The following IRGQ variants were observed in gnomAD, a reference collection of about 807,000 sequenced individuals.
The protein encoded by IRGQ is immunity related GTPase Q.
Under a neutral mutation model 10.5 loss-of-function variants are expected in IRGQ, and 5 were observed. The ratio of observed to expected loss-of-function variants is 0.48; its 90% confidence interval spans 0.25 to 1.00. IRGQ has a LOEUF of 1.00. Ranked by LOEUF, IRGQ falls within the 50% of genes least tolerant of loss-of-function variation. The pLI, the probability that IRGQ is intolerant of heterozygous loss-of-function variation, is 0.16. For synonymous variants in IRGQ, 418 were observed against 426.0 expected, an observed-to-expected ratio of 0.98 and a Z score of 0.23; for missense variants, 792 against 877.7, an observed-to-expected ratio of 0.90 and a Z score of 1.23.
chr19:43,592,586 C>G lies in IRGQ; in HGVS notation c.1312G>C (p.Gly438Arg), dbSNP rs750405377. 1 of 1,599,866 alleles carries G rather than the reference C, an allele frequency of 6.3e-7. No individual in the cohort carries two copies. Among genetic ancestry groups the G allele is most frequent in the Non-Finnish European group, 8.5e-7 (1 of 1,179,736 alleles). ...PPPVFPLRPG[G>R]LPGLCEWLRR... is the part of the protein sequence containing the mutation. ...AGCCATTCGCATAGCCCTGGGAGTCCGCCAGGCCGTAGGGGGAACACTGGC... is the reference window on the plus strand; with the variant it reads ...AGCCATTCGCATAGCCCTGGGAGTCGGCCAGGCCGTAGGGGGAACACTGGC... The change falls in exon 3 of 3, where the codon GGA (glycine) becomes CGA (arginine). Residue 438 changes from glycine to arginine, a missense_variant. Transcript: ENST00000422989.
In IRGQ at chr19:43,591,982, G is replaced by A. The variant is rs1485005546; in HGVS notation, c.*44C>T. ...TTCAAGCACCCAGGATTAAGCCCAGGCATCCCCTGTCAGAGTCTGGACTCC... is the reference window on the plus strand; with the variant it reads ...TTCAAGCACCCAGGATTAAGCCCAGACATCCCCTGTCAGAGTCTGGACTCC... On this transcript the variant is annotated 3_prime_UTR_variant, in exon 3 of 3. Transcript: ENST00000422989. 6.5e-7 allele frequency: 1 copy of A among 1,533,942 alleles called. No homozygotes were observed. Among genetic ancestry groups the A allele is most frequent in the Non-Finnish European group, 8.8e-7 (1 of 1,137,844 alleles).
At position 43,594,908 on chromosome 19, in the gene IRGQ, T is replaced by C; in HGVS notation, c.431A>G (p.Asp144Gly). ...GCAGTTCGCCGGTAGCACAAACAGATCCGCAGCTCCTAACCCCGCGCTGTT... is the reference window on the plus strand; with the variant it reads ...GCAGTTCGCCGGTAGCACAAACAGACCCGCAGCTCCTAACCCCGCGCTGTT... ...LLNSAGLGAADLFVLPANCGS... is the reference protein window; with the variant it reads ...LLNSAGLGAAGLFVLPANCGS... Residue 144 changes from aspartate to glycine, a missense_variant, in exon 2 of 3, where the codon GAT becomes GGT. Asp to Gly is a moderately conservative substitution (Grantham distance 94). Coordinates refer to ENST00000422989, the MANE Select transcript of IRGQ (RefSeq NM_001007561.3). 2 of 1,613,920 alleles carry C rather than the reference T, an allele frequency of 1.2e-6. No homozygotes were observed. The highest frequency in any genetic ancestry group is 1.7e-6 in the Non-Finnish European group (2 of 1,179,926).
Position 43,587,560 on chromosome 19 carries a change from A to G in IRGQ, c.*4466T>C, listed in dbSNP as rs984758690. On this transcript the variant is annotated 3_prime_UTR_variant, in exon 3 of 3. Transcript: ENST00000422989. ...TTGAGATTTGGTGTAAGTGTAAAAT[A>G]TATAACAGATTTTGAAGACAGCACA... 3 of 152,234 alleles carry G rather than the reference A, an allele frequency of 2.0e-5. No individual in the cohort carries two copies. The highest frequency in any genetic ancestry group is 4.4e-5 in the Non-Finnish European group (3 of 68,038). 9.4% of individuals were successfully genotyped at this position (152,234 alleles called of 1,614,324 possible).
In IRGQ at chr19:43,590,146, C is replaced by G. The variant is rs1266052906; in HGVS notation, c.*1880G>C. 6.6e-6 allele frequency: 1 copy of G among 152,098 alleles called. No individual in the cohort carries two copies. The highest frequency in any genetic ancestry group is 6.6e-5 in the Admixed American group (1 of 15,260). 9.4% of individuals were successfully genotyped at this position (152,098 alleles called of 1,614,324 possible). A position where few individuals can be genotyped will look rare whatever the true frequency, so the allele number is the denominator to read the frequency against. On this transcript the variant is annotated 3_prime_UTR_variant, in exon 3 of 3. Transcript: ENST00000422989. Reference sequence around the variant, plus strand: ...TGGTGGCACATGCCTGTCATCTCAGCTACAGTCATCACATCCCTGTACTCC... The same window carrying G: ...TGGTGGCACATGCCTGTCATCTCAGGTACAGTCATCACATCCCTGTACTCC...
chr19:43,588,420 T>TA lies in IRGQ; in HGVS notation c.*3605dup, dbSNP rs1698347780. 1 of 146,470 alleles carries TA rather than the reference T, an allele frequency of 6.8e-6. No individual in the cohort carries two copies. Among genetic ancestry groups the TA allele is most frequent in the Non-Finnish European group, 1.5e-5 (1 of 66,940 alleles). The allele number at this position is 146,470 out of a possible 1,614,324, so 9.1% of individuals were successfully genotyped here. On this transcript the variant is annotated 3_prime_UTR_variant, in exon 3 of 3. Coordinates refer to ENST00000422989, the MANE Select transcript of IRGQ (RefSeq NM_001007561.3). ...GTCTCCCAAAAAATAAATAAATAAA[T>TA]AAAATAAAAATACAAAAATTAGCTG...
At position 43,591,887 on chromosome 19, in the gene IRGQ, C is replaced by A; in HGVS notation, c.*139G>T. 1.3e-6 allele frequency: 1 copy of A among 765,976 alleles called. No individual in the cohort carries two copies. Among genetic ancestry groups the A allele is most frequent in the Non-Finnish European group, 2.0e-6 (1 of 496,582 alleles). 47.4% of individuals were successfully genotyped at this position (765,976 alleles called of 1,614,324 possible). ...AAAAAAAAAAATCAGGATTCCTGTC[C>A]CCCAGACTCTCTGAATCCAGGTGAT... On this transcript the variant is annotated 3_prime_UTR_variant, in exon 3 of 3. Coordinates refer to ENST00000422989, the MANE Select transcript of IRGQ (RefSeq NM_001007561.3).
At position 43,593,111 on chromosome 19, in the gene IRGQ, G is replaced by T; in HGVS notation, c.787C>A (p.Pro263Thr). The change falls in exon 3 of 3, where the codon CCC becomes ACC. Residue 263 changes from proline (P) to threonine (T), a missense_variant. By Grantham distance (38) the Pro-to-Thr change is conservative (BLOSUM62 -1). Coordinates refer to ENST00000422989, the MANE Select transcript of IRGQ (RefSeq NM_001007561.3). The surrounding 1 kb of genome is among the most constrained non-coding windows in gnomAD (Gnocchi z 6.4). ...TTCGGGCGCTCTGGGGCTGGGAAGG[G>T]AGTGGGTGCTGTGGGGACCGAAGCA... ...APASVPTAPT[P>T]FPAPERPNVV... The T allele has an allele frequency of 1.3e-6, 2 of 1,580,178 alleles. No homozygotes were observed. The highest frequency in any genetic ancestry group is 2.3e-5 in the East Asian group (1 of 44,266).
Position 43,592,607 on chromosome 19 carries a change from C to A in IRGQ, c.1291G>T (p.Val431Leu). 6.2e-7 allele frequency: 1 copy of A among 1,601,226 alleles called. No homozygotes were observed. The highest frequency in any genetic ancestry group is 8.5e-7 in the Non-Finnish European group (1 of 1,179,836). ...WEVLEEAPPP[V>L]FPLRPGGLPG... ...AGTCCGCCAGGCCGTAGGGGGAACA[C>A]TGGCGGCGGCGCCTCCTCCAGCACC... is the stretch of plus-strand genomic sequence containing the variant. The change falls in exon 3 of 3, where the codon GTG (valine) becomes TTG (leucine). Residue 431 changes from valine to leucine, a missense_variant. Physicochemically the swap from Val to Leu is conservative, Grantham distance 32. Coordinates refer to ENST00000422989, the MANE Select transcript of IRGQ (RefSeq NM_001007561.3).
Position 43,589,563 on chromosome 19 carries a change from C to A in IRGQ, c.*2463G>T, listed in dbSNP as rs144349752. On this transcript the variant is annotated 3_prime_UTR_variant, in exon 3 of 3. Transcript: ENST00000422989. Reference sequence around the variant, plus strand: ...CTGTATTCCAGCCGGGGCAACAGAGCAAGACCCTGTCTCTAAAATAATAAT... The same window carrying A: ...CTGTATTCCAGCCGGGGCAACAGAGAAAGACCCTGTCTCTAAAATAATAAT... 2.0e-5 allele frequency: 3 copies of A among 152,270 alleles called. No individual in the cohort carries two copies. The highest frequency in any genetic ancestry group is 4.2e-4 in the South Asian group (2 of 4,816). The allele number at this position is 152,270 out of a possible 1,614,324, so 9.4% of individuals were successfully genotyped here.
rs1344141135 is a variant in IRGQ at position 43,586,443 on chromosome 19, C to T, written c.*5583G>A. On this transcript the variant is annotated 3_prime_UTR_variant, in exon 3 of 3. Transcript: ENST00000422989. ...CAACCAATCTACAACTATATCAACA[C>T]AACCAGCACTCCTCTATGGGCACAG... 1 of 152,204 alleles carries T rather than the reference C, an allele frequency of 6.6e-6. No homozygotes were observed. The highest frequency in any genetic ancestry group is 1.5e-5 in the Non-Finnish European group (1 of 68,042). The allele number at this position is 152,204 out of a possible 1,614,324, so 9.4% of individuals were successfully genotyped here.
In IRGQ at chr19:43,593,012, G is replaced by C. The variant is rs1173309791; in HGVS notation, c.886C>G (p.His296Asp). ...TTAAAASHPTHYDALILVTPG... is the reference protein window; with the variant it reads ...TTAAAASHPTDYDALILVTPG... ...GTGACGAGGATGAGGGCGTCGTAGT[G>C]CGTTGGGTGAGAGGCGGCGGCCGCG... is the stretch of plus-strand genomic sequence containing the variant. Residue 296 changes from histidine (H) to aspartate (D), a missense_variant, in exon 3 of 3, where the codon CAC (histidine) becomes GAC (aspartate). By Grantham distance (81) the His-to-Asp change is moderately conservative. Coordinates refer to ENST00000422989, the MANE Select transcript of IRGQ (RefSeq NM_001007561.3). The surrounding 1 kb of genome is among the most constrained non-coding windows in gnomAD (Gnocchi z 6.4). The C allele has an allele frequency of 1.8e-5, 29 of 1,606,816 alleles. No homozygotes were observed. Among genetic ancestry groups the C allele is most frequent in the Non-Finnish European group, 2.5e-5 (29 of 1,177,212 alleles).
chr19:43,594,277 G>A (rs1010595157), intron 2 of IRGQ, among the ~76,000 whole-genome samples: 2 of 152,204 alleles, frequency 1.3e-5, no homozygotes, highest in East Asian at 1.9e-4. Flanking sequence ...CCTGGAAAAA[G>A]GAGCCTCAGG....
chr19:43,588,722 A>G lies in IRGQ; in HGVS notation c.*3304T>C, dbSNP rs1421565971. On this transcript the variant is annotated 3_prime_UTR_variant, in exon 3 of 3. Transcript: ENST00000422989. ...TGATGGAGTGAAACTCCATCTCAAA[A>G]AAAGAAAACTTAAAATGACATATGT... 1 of 152,296 alleles carries G rather than the reference A, an allele frequency of 6.6e-6. No homozygotes were observed. The allele number at this position is 152,296 out of a possible 1,614,324, so 9.4% of individuals were successfully genotyped here. A position where few individuals can be genotyped will look rare whatever the true frequency, so the allele number is the denominator to read the frequency against.
chr19:43,593,319 C>G lies in IRGQ; in HGVS notation c.579G>C (p.Glu193Asp). The change falls in exon 3 of 3, where the codon GAG (glutamate) becomes GAC (aspartate). Residue 193 changes from glutamate to aspartate, a missense_variant. Coordinates refer to ENST00000422989, the MANE Select transcript of IRGQ (RefSeq NM_001007561.3). This position sits in a 1 kb window ranked among gnomAD's most constrained non-coding sequence, Gnocchi z 6.4. ...CAAAGGCCTCACGCACAGCCTCTAG[C>G]TCTGCTGCACCCAACACCTCGAAGC... ...QDGFEVLGAA[E>D]LEAVREAFET... 1 of 1,548,638 alleles carries G rather than the reference C, an allele frequency of 6.5e-7. No individual in the cohort carries two copies. The highest frequency in any genetic ancestry group is 8.7e-7 in the Non-Finnish European group (1 of 1,148,712).
Position 43,592,803 on chromosome 19 carries a change from T to G in IRGQ, c.1095A>C (p.Ala365=), listed in dbSNP as rs769048179. 2.0e-5 allele frequency: 33 copies of G among 1,613,908 alleles called. No homozygotes were observed. The highest frequency in any genetic ancestry group is 1.7e-5 in the Non-Finnish European group (20 of 1,180,038). Residue 365 remains alanine, a synonymous_variant, in exon 3 of 3, where the codon GCA becomes GCC. Coordinates refer to ENST00000422989, the MANE Select transcript of IRGQ (RefSeq NM_001007561.3). The stretch of plus-strand genomic sequence containing the variant: ...TACATTTCTCCCTTCCCTTACTGAG[T>G]GCATTCTCCAATCCCCCTCCACCTG... ...KNAGGGGLEN[A]LSKGREKCSA...
Position 43,596,026 on chromosome 19 carries a change from T to C in IRGQ, c.-47A>G, listed in dbSNP as rs892560106. The C allele has an allele frequency of 1.3e-5, 2 of 152,094 alleles. No homozygotes were observed. The highest frequency in any genetic ancestry group is 2.9e-5 in the Non-Finnish European group (2 of 68,032). The allele number at this position is 152,094 out of a possible 1,614,324, so 9.4% of individuals were successfully genotyped here. On this transcript the variant is annotated 5_prime_UTR_variant, in exon 1 of 3. Transcript: ENST00000422989. The stretch of plus-strand genomic sequence containing the variant: ...CGGGAGAGAGCGCAGTCGGTGGCAG[T>C]AGGTCAGCAGCTGAGAAGCCCGGCC...
chr19:43,592,463 C>CG lies in IRGQ; in HGVS notation c.1434_1435insC (p.Ala479ArgfsTer11). The CG allele has an allele frequency of 6.3e-7, 1 of 1,586,912 alleles. No individual in the cohort carries two copies. The highest frequency in any genetic ancestry group is 8.5e-7 in the Non-Finnish European group (1 of 1,174,502). ...AGCAGAGCTGGCCTCCACGCCCCGG[C>CG]TCGCAACGCCGCAGCCTTGGTTCGG... On this transcript the variant is annotated frameshift_variant, in exon 3 of 3. Transcript: ENST00000422989. LOFTEE classifies it high-confidence loss of function.
In IRGQ at chr19:43,593,461, T is replaced by C; in HGVS notation, c.531-94A>G. The C allele has an allele frequency of 7.8e-7, 1 of 1,288,860 alleles. No homozygotes were observed. The highest frequency in any genetic ancestry group is 2.5e-5 in the East Asian group (1 of 40,276). 79.8% of individuals were successfully genotyped at this position (1,288,860 alleles called of 1,614,324 possible). A position where few individuals can be genotyped will look rare whatever the true frequency, so the allele number is the denominator to read the frequency against. The stretch of plus-strand genomic sequence containing the variant: ...GACAAGGGCAGAGCTTTCCTAATGA[T>C]CCCAGAATGGGGCAGGGGTAGGAAA... On this transcript the variant is annotated intron_variant, in intron 2 of 2. Coordinates refer to ENST00000422989, the MANE Select transcript of IRGQ (RefSeq NM_001007561.3). The surrounding 1 kb of genome is among the most constrained non-coding windows in gnomAD (Gnocchi z 6.4).
In IRGQ at chr19:43,591,919, T is replaced by A. The variant is rs1179910982; in HGVS notation, c.*107A>T. The A allele has an allele frequency of 9.3e-7, 1 of 1,076,152 alleles. No homozygotes were observed. The highest frequency in any genetic ancestry group is 2.5e-5 in the East Asian group (1 of 39,702). The allele number at this position is 1,076,152 out of a possible 1,614,324, so 66.7% of individuals were successfully genotyped here. A position where few individuals can be genotyped will look rare whatever the true frequency, so the allele number is the denominator to read the frequency against. On this transcript the variant is annotated 3_prime_UTR_variant, in exon 3 of 3. Transcript: ENST00000422989. ...CTCTCTGAATCCAGGTGATAAGAAGTCACACATCCCAGCTGGAAGTCAAGA... is the reference window on the plus strand; with the variant it reads ...CTCTCTGAATCCAGGTGATAAGAAGACACACATCCCAGCTGGAAGTCAAGA...
Sources: gnomAD v4.1 joint callset for allele counts (sites outside exome capture counted in the v4.1 genomes callset) on GRCh38, gnomAD v4.1.1 for gene constraint, Gnocchi (gnomAD v3.1) non-coding constraint, MANE v1.5 for transcripts, NCBI Gene and HGNC (gene_info 2026-07-23, HGNC 2026-07-21) for gene names.